Variants in TEX14 observed in about 807,000 individuals in gnomAD.
TEX14 encodes inactive serine/threonine-protein kinase TEX14.
In TEX14, 168 loss-of-function variants were observed where a neutral mutation model predicts 178.6. The observed-to-expected ratio is 0.94, with a 90% CI of 0.83 to 1.07. The LOEUF (loss-of-function observed/expected upper bound fraction) is 1.07. Among genes scored for constraint, TEX14 ranks in the 50% least tolerant of loss-of-function variants. The probability of loss-of-function intolerance (pLI) is 0.00; values close to 1 mark genes in which losing one functional copy is unlikely to be tolerated. For missense variants in TEX14, 1,730 were observed against 1,753.6 expected, an observed-to-expected ratio of 0.99 and a Z score of 0.24; for synonymous variants, 626 against 634.1, an observed-to-expected ratio of 0.99 and a Z score of 0.19.
chr17:58,588,436 C>A (rs887864737), intron 15 of TEX14, among the ~76,000 whole-genome samples: 1 of 152,106 alleles, frequency 6.6e-6, no homozygotes, highest in African/African-American at 2.4e-5. Flanking sequence ...TGGGATTACA[C>A]ATGCACGCCA....
chr17:58,672,879 G>C (rs1044049681), intron 1 of TEX14, among the ~76,000 whole-genome samples: 1 of 151,028 alleles, frequency 6.6e-6, no homozygotes, highest in African/African-American at 2.4e-5. Flanking sequence ...TTACAGATGC[G>C]TGCCACCATG....
chr17:58,594,979 T>C (rs551777137), intron 14 of TEX14, among the ~76,000 whole-genome samples: 3 of 152,316 alleles, frequency 2.0e-5, no homozygotes, highest in Admixed American at 6.5e-5. Context: ...AAAAAATTAC[T>C]ACATGCTCCC....
intron 1 of TEX14, among the ~76,000 whole-genome samples, chr17:58,681,684 T>C (rs1006224842): frequency 1.2e-4 from 18 of 152,010 alleles, no homozygotes; most frequent in Non-Finnish European, 2.5e-4. Context: ...ACCTTGTCTC[T>C]ACTAAAAATA....
Position 58,622,984 on chromosome 17 carries a change from G to T in TEX14, c.280C>A (p.His94Asn). Residue 94 changes from histidine (H) to asparagine (N), a missense_variant, in exon 4 of 32, where the codon CAT (histidine) becomes AAT (asparagine). Coordinates refer to ENST00000349033, the MANE Select transcript of TEX14 (RefSeq NM_031272.5). ...TGATTGCCCGAAAATGCTGCTGCAT[G>T]GACAGGGGTGCTCCCATCAAAGCAG... ...HRCFDGSTPV[H>N]AAAFSGNQWI... is the part of the protein sequence containing the mutation. 1 of 1,607,390 alleles carries T rather than the reference G, an allele frequency of 6.2e-7. No individual in the cohort carries two copies. Among genetic ancestry groups the T allele is most frequent in the Non-Finnish European group, 8.5e-7 (1 of 1,174,312 alleles).
chr17:58,615,187 G>T, intron 8 of TEX14, 45 bp downstream of exon 8: 1 of 1,160,140 alleles, frequency 8.6e-7, no homozygotes, highest in Non-Finnish European at 1.3e-6. Flanking sequence ...ACCTGAGTCT[G>T]TAGAGAGACC....
intron 2 of TEX14, among the ~76,000 whole-genome samples, chr17:58,634,690 A>G (rs1437942691): frequency 1.3e-5 from 2 of 152,158 alleles, no homozygotes; most frequent in African/African-American, 4.8e-5. Flanking sequence ...TTCTGCATGG[A>G]TCTCTCAGAG....
At chr17:58,675,907 T>C (rs901724046) in intron 1 of TEX14, among the ~76,000 whole-genome samples, 1 of 152,190 alleles carries the variant, frequency 6.6e-6, no homozygotes, top group Admixed American at 6.5e-5. Context: ...CATTTTTAAA[T>C]TGATATATCA....
At chr17:58,671,973 G>T (rs917421167) in intron 1 of TEX14, among the ~76,000 whole-genome samples, 1 of 152,002 alleles carries the variant, frequency 6.6e-6, no homozygotes, top group Non-Finnish European at 1.5e-5. Context: ...TTGGCACCAG[G>T]GACCAGTTTC....
Position 58,622,992 on chromosome 17 carries a change from G to T in TEX14, c.272C>A (p.Thr91Asn). The T allele has an allele frequency of 6.3e-7, 1 of 1,599,746 alleles. No homozygotes were observed. Among genetic ancestry groups the T allele is most frequent in the East Asian group, 2.2e-5 (1 of 44,512 alleles). Residue 91 changes from threonine to asparagine, a missense_variant, in exon 4 of 32, where the codon ACC becomes AAC. By Grantham distance (65) the Thr-to-Asn change is moderately conservative. This residue lies in a region of TEX14 where 789 missense variants were observed against 681.2 expected (regional missense o/e 1.16). Transcript: ENST00000349033. ...CGAAAATGCTGCTGCATGGACAGGG[G>T]TGCTCCCATCAAAGCAGCGGCTGGG... ...DPNHRCFDGS[T>N]PVHAAAFSGN...
intron 5 of TEX14, among the ~76,000 whole-genome samples, chr17:58,618,644 T>C (rs908962987): frequency 2.0e-5 from 3 of 152,198 alleles, no homozygotes; most frequent in Admixed American, 1.3e-4. Flanking sequence ...TCTTGGCAAA[T>C]GGCAAAGGAG....
At chr17:58,639,476 G>C (rs1043866379) in intron 2 of TEX14, among the ~76,000 whole-genome samples, 14 of 152,166 alleles carry the variant, frequency 9.2e-5, no homozygotes, top group Admixed American at 6.5e-4. Context: ...CAAGGCGGGA[G>C]GATCACCTGA....
Position 58,587,950 on chromosome 17 carries a change from G to A in TEX14, c.2648C>T (p.Ser883Leu). Residue 883 changes from serine to leucine, a missense_variant, in exon 16 of 32, where the codon TCA becomes TTA. Ser to Leu is a moderately radical substitution (Grantham distance 145, BLOSUM62 -2). Coordinates refer to ENST00000349033, the MANE Select transcript of TEX14 (RefSeq NM_031272.5). ...TGCAGAAGGTCCCTGCCGGTGGCTT[G>A]ACAGAGTGAAGAGTGCACTATTAAA... Reference protein sequence around the residue: ...TQFNSALFTLSSHRQGPSASP... With the variant: ...TQFNSALFTLLSHRQGPSASP... The A allele has an allele frequency of 1.2e-6, 2 of 1,612,986 alleles. No homozygotes were observed. The highest frequency in any genetic ancestry group is 2.2e-5 in the South Asian group (2 of 91,048).
In TEX14 at chr17:58,592,270, C is replaced by T. The variant is rs1333569703; in HGVS notation, c.2576+1285G>A. On this transcript the variant is annotated intron_variant, in intron 15 of 31. Coordinates refer to ENST00000349033, the MANE Select transcript of TEX14 (RefSeq NM_031272.5). ...TTTGAGTCAGAATCTCACTCTGTTG[C>T]CAAGGCTGGAGTGCAGTGGTGCCAT... is the stretch of plus-strand genomic sequence containing the variant. 2.7e-5 allele frequency among the ~76,000 whole-genome samples: 4 copies of T among 150,918 alleles called. No homozygotes were observed. The East Asian group carries it at 5.8e-4, about 22-fold the overall frequency.
Position 58,598,990 on chromosome 17 carries a change from A to T in TEX14, c.2355T>A (p.Pro785=). 6.2e-7 allele frequency: 1 copy of T among 1,614,142 alleles called. No homozygotes were observed. ...TTAAAGATGGAGGGCCCACGGCCAG[A>T]GGTAACTTGTAGGCATTTGTAAACT... ...SREFTNAYKL[P]LAVGPPSLNY... Residue 785 remains proline, a synonymous_variant, in exon 14 of 32, where the codon CCT becomes CCA. Coordinates refer to ENST00000349033, the MANE Select transcript of TEX14 (RefSeq NM_031272.5).
intron 2 of TEX14, among the ~76,000 whole-genome samples, chr17:58,643,607 C>T (rs1324662615): frequency 1.3e-5 from 2 of 151,640 alleles, no homozygotes; most frequent in African/African-American, 2.4e-5. Context: ...CAGTGGCTTA[C>T]AACTGTAATC....
chr17:58,574,885 G>A (rs757109312), intron 21 of TEX14, among the ~76,000 whole-genome samples: 1 of 151,954 alleles, frequency 6.6e-6, no homozygotes, highest in Non-Finnish European at 1.5e-5. Context: ...TTGCTGGGAG[G>A]TAAGATATTG....
intron 3 of TEX14, 40 bp from the exon 4 acceptor site, chr17:58,623,052 G>A (rs749903530): frequency 1.3e-6 from 2 of 1,554,560 alleles, no homozygotes; most frequent in South Asian, 2.3e-5. Flanking sequence ...CCATGGCAAT[G>A]CTCCTGCATT....
intron 2 of TEX14, 66 bp from the exon 3 acceptor site, chr17:58,630,620 G>T: frequency 1.8e-6 from 2 of 1,090,040 alleles, no homozygotes; most frequent in East Asian, 2.4e-5. Flanking sequence ...CTGGGTAGGG[G>T]GTGGGGGAAT....
Position 58,654,729 on chromosome 17 carries a change from A to T in TEX14, c.-1-2727T>A, listed in dbSNP as rs575371440. On this transcript the variant is annotated intron_variant, in intron 1 of 31. Coordinates refer to ENST00000349033, the MANE Select transcript of TEX14 (RefSeq NM_031272.5). ...ACCATGTTGGCCAGGGTGGTCTCAA[A>T]CTTCTGACCTCAGGTGATCTGCCCA... Among the ~76,000 whole-genome samples the T allele has an allele frequency of 4.5e-4, 69 of 151,790 alleles. No individual in the cohort carries two copies. The Middle Eastern group carries it at 0.01, about 22-fold the overall frequency.
Sources: gnomAD v4.1 joint callset for allele counts (sites outside exome capture counted in the v4.1 genomes callset) on GRCh38, gnomAD v4.1.1 for gene constraint, gnomAD v4.1.1 regional missense constraint, MANE v1.5 for transcripts, NCBI Gene and HGNC (gene_info 2026-07-23, HGNC 2026-07-21) for gene names.